The following SIGLEC10 variants were observed in gnomAD, a reference collection of about 807,000 sequenced individuals.
The protein encoded by SIGLEC10 is sialic acid-binding Ig-like lectin 10.
Under a neutral mutation model 68.3 loss-of-function variants are expected in SIGLEC10, and 45 were observed. That is an observed-to-expected ratio of 0.66 (90% CI 0.52 to 0.84). SIGLEC10 has a LOEUF of 0.84. Among genes scored for constraint, SIGLEC10 ranks in the 40% least tolerant of loss-of-function variants. The pLI is 0.00. For synonymous variants in SIGLEC10, 379 were observed against 370.8 expected (o/e 1.02, Z -0.26); for missense variants, 789 against 883.1 (o/e 0.89, Z 1.35).
rs757792226 is a variant in SIGLEC10, at chr19:51,416,745, G to T, written c.627C>A (p.His209Gln). The change falls in exon 3 of 11, where the codon CAC becomes CAA. Residue 209 changes from histidine to glutamine, a missense_variant. Physicochemically the swap from His to Gln is conservative, Grantham distance 24 (BLOSUM62 0). Transcript: ENST00000339313. ...CCACATGGCAGGTGAGGTCGGTGTT[G>T]TGGTCCTGGGGTCTGGGCGTGAAGC... ...VLSFTPRPQD[H>Q]NTDLTCHVDF... 3 of 1,614,106 alleles carry T rather than the reference G, an allele frequency of 1.9e-6. No individual in the cohort carries two copies. Among genetic ancestry groups the T allele is most frequent in the African/African-American group, 1.3e-5 (1 of 74,942 alleles).
intron 6 of SIGLEC10, 28 bp downstream of exon 6, chr19:51,415,540 G>A (rs1427221439): frequency 1.2e-6 from 2 of 1,613,916 alleles, no homozygotes; most frequent in Non-Finnish European, 1.7e-6. Context: ...GCACTGAGAG[G>A]CCTTGGCTCC....
chr19:51,413,972 G>A, intron 9 of SIGLEC10, 149 bp from the exon 10 acceptor site: 3 of 649,086 alleles, frequency 4.6e-6, no homozygotes, highest in South Asian at 3.8e-5. Context: ...GACAAACGTA[G>A]AAATGAAAAC....
chr19:51,411,338 T>C lies in SIGLEC10; in HGVS notation c.1855A>G (p.Ser619Gly), dbSNP rs768583087. Residue 619 changes from serine (S) to glycine (G), a missense_variant, in exon 11 of 11, where the codon AGT becomes GGT. Physicochemically the swap from Ser to Gly is moderately conservative, Grantham distance 56 (BLOSUM62 0). Coordinates refer to ENST00000339313, the MANE Select transcript of SIGLEC10 (RefSeq NM_033130.5). ...CCTGGTGGAAGAGGGGTCCGAGGAC[T>C]GTTTGGTGTGGCTTTCTGATTCCGC... The part of the protein sequence containing the change: ...QKRNQKATPN[S>G]PRTPLPPGAP... 80 of 1,614,040 alleles carry C rather than the reference T, an allele frequency of 5.0e-5. No homozygotes were observed. The highest frequency in any genetic ancestry group is 5.9e-5 in the Non-Finnish European group (70 of 1,179,996).
rs368142287 is a variant in SIGLEC10, at chr19:51,415,812, G to A, written c.1024+86C>T. On this transcript the variant is annotated intron_variant, in intron 5 of 10. Coordinates refer to ENST00000339313, the MANE Select transcript of SIGLEC10 (RefSeq NM_033130.5). ...CGGTCTCCGAGGCCTGGGGCTCCAGGCCCCCTCAGCTCTGGGACCCTGAGC... is the reference window on the plus strand; with the variant it reads ...CGGTCTCCGAGGCCTGGGGCTCCAGACCCCCTCAGCTCTGGGACCCTGAGC... 781 of 1,586,948 alleles carry A rather than the reference G, an allele frequency of 4.9e-4. 1 individual carries two copies. In the African/African-American group the frequency reaches 5.4e-3, roughly 11 times the overall value.
intron 5 of SIGLEC10, 132 bp downstream of exon 5, chr19:51,415,766 G>T: frequency 1.3e-6 from 2 of 1,573,018 alleles, no homozygotes; most frequent in Non-Finnish European, 1.7e-6. Flanking sequence ...ACTGCATGAG[G>T]GTCTACACAG....
In SIGLEC10 at chr19:51,415,225, T is replaced by G. The variant is rs1373429861; in HGVS notation, c.1286A>C (p.His429Pro). The G allele has an allele frequency of 1.2e-6, 2 of 1,613,132 alleles. No homozygotes were observed. The highest frequency in any genetic ancestry group is 1.7e-6 in the Non-Finnish European group (2 of 1,179,532). The change falls in exon 7 of 11, where the codon CAC becomes CCC. Residue 429 changes from histidine to proline, a missense_variant. Physicochemically the swap from His to Pro is moderately conservative, Grantham distance 77 (BLOSUM62 -2). Transcript: ENST00000339313. ...AGAGACGTGCTGGGAGCCCAGTGGG[T>G]GCCGAGCGTGGCAGGTGAACTCTCC... ...HEGEFTCHAR[H>P]PLGSQHVSLS...
rs548420902 is a variant in SIGLEC10 at position 51,415,674 on chromosome 19, G to A, written c.1025-59C>T. On this transcript the variant is annotated intron_variant, in intron 5 of 10. Coordinates refer to ENST00000339313, the MANE Select transcript of SIGLEC10 (RefSeq NM_033130.5). ...ACCAGGGGCTTCCCTCTGGGTAAAGGGAACCATCCTGGACACTGAGGTGGG... is the reference window on the plus strand; with the variant it reads ...ACCAGGGGCTTCCCTCTGGGTAAAGAGAACCATCCTGGACACTGAGGTGGG... 343 of 1,613,524 alleles carry A rather than the reference G, an allele frequency of 2.1e-4. No individual in the cohort carries two copies. In the African/African-American group the frequency reaches 3.4e-3, roughly 16 times the overall value.
chr19:51,414,855 C>A lies in SIGLEC10; in HGVS notation c.1584G>T (p.Gly528=). 1 of 1,614,088 alleles carries A rather than the reference C, an allele frequency of 6.2e-7. No homozygotes were observed. The highest frequency in any genetic ancestry group is 2.2e-5 in the East Asian group (1 of 44,872). Residue 528 remains glycine, a synonymous_variant, in exon 8 of 11, where the codon GGG becomes GGT. Coordinates refer to ENST00000339313, the MANE Select transcript of SIGLEC10 (RefSeq NM_033130.5). This position sits in a 1 kb window ranked among gnomAD's most constrained non-coding sequence, Gnocchi z 4.1. ...RLRCEAWNVH[G]AQSGSILQLP... is the part of the protein sequence containing the mutation. Reference sequence around the variant, plus strand: ...GCTGCAGGATGGATCCACTCTGGGCCCCATGGACGTTCCAGGCCTCACAGC... The same window carrying A: ...GCTGCAGGATGGATCCACTCTGGGCACCATGGACGTTCCAGGCCTCACAGC...
chr19:51,415,452 A>G lies in SIGLEC10; in HGVS notation c.1073-14T>C. On this transcript the variant is annotated splice_polypyrimidine_tract_variant and intron_variant, in intron 6 of 10. Transcript: ENST00000339313. ...GGTTTTCCAGGACTAGGGAAGGAAG[A>G]GGCAGAATCGATGAGCAGCTCAGGG... is the stretch of plus-strand genomic sequence containing the variant. The G allele has an allele frequency of 1.9e-6, 3 of 1,608,480 alleles. No individual in the cohort carries two copies. The highest frequency in any genetic ancestry group is 2.6e-6 in the Non-Finnish European group (3 of 1,176,392).
Position 51,415,744 on chromosome 19 carries a change from T to A in SIGLEC10, c.1025-129A>T, listed in dbSNP as rs1023594334. ...GGGCAGGGCAGAATCACCCACTGAG[T>A]CCCAGACACAAACTGCATGAGGGTC... is the stretch of plus-strand genomic sequence containing the variant. On this transcript the variant is annotated intron_variant, in intron 5 of 10. Transcript: ENST00000339313. The A allele has an allele frequency of 5.7e-6, 9 of 1,572,584 alleles. No homozygotes were observed. The Admixed American group carries it at 1.6e-4, about 28-fold the overall frequency.
chr19:51,410,828 TAGTAGAGACGGGGTTTC>T lies in SIGLEC10; in HGVS notation c.*254_*270del, dbSNP rs1334271785. 2 of 317,470 alleles carry T rather than the reference TAGTAGAGACGGGGTTTC, an allele frequency of 6.3e-6. No homozygotes were observed. Among genetic ancestry groups the T allele is most frequent in the African/African-American group, 4.2e-5 (2 of 47,648 alleles). 19.7% of individuals were successfully genotyped at this position (317,470 alleles called of 1,614,324 possible). A position where few individuals can be genotyped will look rare whatever the true frequency, so the allele number is the denominator to read the frequency against. ...CATGCCCAGCTAATTTTTGTATTTT[TAGTAGAGACGGGGTTTC>T]ACCAAGTTGGCCAGGCTGGTCTCGA... On this transcript the variant is annotated 3_prime_UTR_variant, in exon 11 of 11. Coordinates refer to ENST00000339313, the MANE Select transcript of SIGLEC10 (RefSeq NM_033130.5).
At position 51,416,844 on chromosome 19, in the gene SIGLEC10, AGGG is replaced by A. The variant is rs1568502122; in HGVS notation, c.525_527del (p.Pro176del). On this transcript the variant is annotated inframe_deletion, in exon 3 of 11. Coordinates refer to ENST00000339313, the MANE Select transcript of SIGLEC10 (RefSeq NM_033130.5). Reference sequence around the variant, plus strand: ...GGGCAGCCCCCGTCCAGGAGAAAGAAGGGGGTGGACATTCCTCAAAGGCCCAGT... The same window carrying A: ...GGGCAGCCCCCGTCCAGGAGAAAGAAGGTGGACATTCCTCAAAGGCCCAGT... The A allele has an allele frequency of 1.9e-6, 3 of 1,614,130 alleles. No homozygotes were observed. The highest frequency in any genetic ancestry group is 2.5e-6 in the Non-Finnish European group (3 of 1,180,014).
In SIGLEC10 at chr19:51,410,966, GAGAGAGAA is replaced by G. The variant is rs1423313695; in HGVS notation, c.*125_*132del. 1.6e-5 allele frequency: 17 copies of G among 1,084,696 alleles called. No individual in the cohort carries two copies. The South Asian group carries it at 1.9e-4, about 12-fold the overall frequency. 67.2% of individuals were successfully genotyped at this position (1,084,696 alleles called of 1,614,324 possible). A position where few individuals can be genotyped will look rare whatever the true frequency, so the allele number is the denominator to read the frequency against. Reference sequence around the variant, plus strand: ...GCCCTGGCCAGATGTTTTTTTAAAAGAGAGAGAAAGAGAGAGAGAGAGAGAAAGAGAGA... The same window carrying G: ...GCCCTGGCCAGATGTTTTTTTAAAAGAGAGAGAGAGAGAGAGAAAGAGAGA... On this transcript the variant is annotated 3_prime_UTR_variant, in exon 11 of 11. Transcript: ENST00000339313.
Position 51,414,661 on chromosome 19 carries a change from C to A in SIGLEC10, c.1616-146G>T. On this transcript the variant is annotated intron_variant, in intron 8 of 10. Transcript: ENST00000339313. This position sits in a 1 kb window ranked among gnomAD's most constrained non-coding sequence, Gnocchi z 4.1. ...TTTACTTTTAGGAAACCCTGCCACACCCCGGCCCAGGTGTTAGGACTTCCC... is the reference window on the plus strand; with the variant it reads ...TTTACTTTTAGGAAACCCTGCCACAACCCGGCCCAGGTGTTAGGACTTCCC... The A allele has an allele frequency of 1.4e-6, 2 of 1,380,942 alleles. No homozygotes were observed. Among genetic ancestry groups the A allele is most frequent in the South Asian group, 2.4e-5 (2 of 82,414 alleles). The allele number at this position is 1,380,942 out of a possible 1,614,324, so 85.5% of individuals were successfully genotyped here.
At chr19:51,415,159 G>C in intron 7 of SIGLEC10, 22 bp downstream of exon 7, 1 of 1,586,028 alleles carries the variant, frequency 6.3e-7, no homozygotes, top group Non-Finnish European at 8.6e-7. Flanking sequence ...TGGGACCCAG[G>C]TGTCCCCTTT....
At chr19:51,416,496 C>A in intron 3 of SIGLEC10, 139 bp from the exon 4 acceptor site, 1 of 1,589,142 alleles carries the variant, frequency 6.3e-7, no homozygotes, top group Non-Finnish European at 8.6e-7. Context: ...GTGTGTGGAC[C>A]AGACGCCATT....
At position 51,414,279 on chromosome 19, in the gene SIGLEC10, A is replaced by T; in HGVS notation, c.1709+143T>A. The T allele has an allele frequency of 2.9e-6, 2 of 688,824 alleles. No individual in the cohort carries two copies. Among genetic ancestry groups the T allele is most frequent in the Middle Eastern group, 3.9e-4 (1 of 2,546 alleles). The allele number at this position is 688,824 out of a possible 1,614,324, so 42.7% of individuals were successfully genotyped here. On this transcript the variant is annotated intron_variant, in intron 9 of 10. Coordinates refer to ENST00000339313, the MANE Select transcript of SIGLEC10 (RefSeq NM_033130.5). This position sits in a 1 kb window ranked among gnomAD's most constrained non-coding sequence, Gnocchi z 4.1. ...GTTTGTCAGTTGGACAACATTCTGC[A>T]TTTATGAGAACAGTTTGCTGTTTAC...
chr19:51,411,419 G>C, intron 10 of SIGLEC10, 48 bp from the exon 11 acceptor site: 1 of 1,606,074 alleles, frequency 6.2e-7, no homozygotes. Context: ...GCAAATATTT[G>C]AGCACTTACC....
In SIGLEC10 at chr19:51,410,759, C is replaced by T. The variant is rs967064802; in HGVS notation, c.*340G>A. ...CGTCTCCCAGGTTCAAGTGATTCTC[C>T]TGCCTCAGCTTCCCAAGTAGGTAGG... On this transcript the variant is annotated 3_prime_UTR_variant, in exon 11 of 11. Coordinates refer to ENST00000339313, the MANE Select transcript of SIGLEC10 (RefSeq NM_033130.5). The T allele has an allele frequency of 1.0e-5, 2 of 198,416 alleles. No homozygotes were observed. Among genetic ancestry groups the T allele is most frequent in the Non-Finnish European group, 2.1e-5 (2 of 95,214 alleles). The allele number at this position is 198,416 out of a possible 1,614,324, so 12.3% of individuals were successfully genotyped here.
Sources: gnomAD v4.1 joint callset for allele counts on GRCh38, gnomAD v4.1.1 for gene constraint, Gnocchi (gnomAD v3.1) non-coding constraint, MANE v1.5 for transcripts, NCBI Gene and HGNC (gene_info 2026-07-23, HGNC 2026-07-21) for gene names.